Variants in FHIT observed in about 807,000 individuals in gnomAD.
FHIT encodes bis(5'-adenosyl)-triphosphatase.
A neutral mutation model predicts 17.9 loss-of-function variants in FHIT; 19 were observed. The ratio of observed to expected loss-of-function variants is 1.06; its 90% CI spans 0.74 to 1.56. FHIT has a LOEUF of 1.56. FHIT is among the 40% of genes most tolerant of loss of function. The probability of loss-of-function intolerance (pLI) is 0.00; values close to 1 mark genes in which losing one functional copy is unlikely to be tolerated. For synonymous variants in FHIT, 81 were observed against 69.7 expected, an observed-to-expected ratio of 1.16 and a Z score of -0.81; for missense variants, 248 against 189.2, an observed-to-expected ratio of 1.31 and a Z score of -1.82.
intron 8 of FHIT, among the ~76,000 whole-genome samples, chr3:59,765,019 A>G (rs553456039): frequency 1.6e-4 from 24 of 152,298 alleles, no homozygotes; most frequent in Admixed American, 1.2e-3. Flanking sequence ...TCAGCTGCCT[A>G]CTATGTACCT....
At chr3:61,203,568 G>A (rs1257490700) in intron 1 of FHIT, among the ~76,000 whole-genome samples, 1 of 152,146 alleles carries the variant, frequency 6.6e-6, no homozygotes, top group Non-Finnish European at 1.5e-5. Flanking sequence ...AGTAAACAGA[G>A]AAATTAGTAA....
intron 7 of FHIT, among the ~76,000 whole-genome samples, chr3:59,928,882 C>A (rs1402553979): frequency 6.6e-6 from 1 of 150,612 alleles, no homozygotes; most frequent in Non-Finnish European, 1.5e-5. Context: ...GTAATCCCAG[C>A]TACTCAGGAG....
At chr3:60,147,297 TGA>T (rs1246954171) in intron 5 of FHIT, among the ~76,000 whole-genome samples, 1 of 152,146 alleles carries the variant, frequency 6.6e-6, no homozygotes, top group Non-Finnish European at 1.5e-5. Flanking sequence ...AAACCGAGTA[TGA>T]GATAGAGTTC....
chr3:61,134,256 A>G (rs889013731), intron 2 of FHIT, among the ~76,000 whole-genome samples: 2 of 152,164 alleles, frequency 1.3e-5, no homozygotes, highest in African/African-American at 2.4e-5. Context: ...GGCAGTGTCT[A>G]TTTCTAAAGC....
intron 3 of FHIT, among the ~76,000 whole-genome samples, chr3:60,969,613 C>A (rs1487864705): frequency 6.6e-6 from 1 of 151,954 alleles, no homozygotes; most frequent in Non-Finnish European, 1.5e-5. Context: ...AAAATATTAC[C>A]TAATTTCCAA....
intron 7 of FHIT, among the ~76,000 whole-genome samples, chr3:59,972,957 C>T (rs985524875): frequency 6.6e-6 from 1 of 152,058 alleles, no homozygotes; most frequent in East Asian, 1.9e-4. Context: ...TCTTCCTCAA[C>T]CCCATTCTCA....
rs568634273 is a variant in FHIT at position 60,016,309 on chromosome 3, A to C, written c.104-2157T>G. 2.0e-5 allele frequency among the ~76,000 whole-genome samples: 3 copies of C among 152,320 alleles called. No individual in the cohort carries two copies. The South Asian group carries it at 6.2e-4, about 32-fold the overall frequency. On this transcript the variant is annotated intron_variant, in intron 5 of 9. Transcript: ENST00000492590. ...GTTTTTTTAGCAATAATATTTTTTA[A>C]AGGAAGCGAAGGTCAATAGTTATAA...
intron 5 of FHIT, among the ~76,000 whole-genome samples, chr3:60,198,105 C>CT (rs960748758): frequency 1.3e-4 from 19 of 143,366 alleles, no homozygotes; most frequent in African/African-American, 3.9e-4. Context: ...GTTTGGATGA[C>CT]TTTTTTTTCT....
Position 60,320,392 on chromosome 3 carries a change from C to G in FHIT, c.103+216468G>C, listed in dbSNP as rs185205464. On this transcript the variant is annotated intron_variant, in intron 5 of 9. Coordinates refer to ENST00000492590, the MANE Select transcript of FHIT (RefSeq NM_002012.4). ...TCAGGCTTAAGTGCCAGAAGTAAAC[C>G]AAAAAGAAGCAATAGCAAGTGACAA... Among the ~76,000 whole-genome samples, 153 of 151,690 alleles carry G rather than the reference C, an allele frequency of 1.0e-3. 1 individual carries two copies. The highest frequency in any genetic ancestry group is 3.6e-3 in the African/African-American group (147 of 41,324).
At chr3:60,067,023 G>A (rs959817538) in intron 5 of FHIT, among the ~76,000 whole-genome samples, 4 of 151,952 alleles carry the variant, frequency 2.6e-5, no homozygotes, top group Non-Finnish European at 4.4e-5. Context: ...CACAGAGGTA[G>A]GCAAATCAAA....
chr3:60,478,505 G>A (rs955714475), intron 5 of FHIT, among the ~76,000 whole-genome samples: 1 of 152,112 alleles, frequency 6.6e-6, no homozygotes, highest in African/African-American at 2.4e-5. Flanking sequence ...CAAAGAAAGT[G>A]CACTTTACAT....
intron 4 of FHIT, among the ~76,000 whole-genome samples, chr3:60,737,316 T>G (rs1348816774): frequency 6.6e-6 from 1 of 152,236 alleles, no homozygotes; most frequent in Non-Finnish European, 1.5e-5. Flanking sequence ...GTATTCTTCT[T>G]TGCATAAACT....
chr3:60,952,460 G>A (rs1396355821), intron 3 of FHIT, among the ~76,000 whole-genome samples: 2 of 152,166 alleles, frequency 1.3e-5, no homozygotes, highest in Non-Finnish European at 2.9e-5. Context: ...TTAGGGCTTT[G>A]GATCATATGC....
intron 5 of FHIT, among the ~76,000 whole-genome samples, chr3:60,367,396 T>G (rs770571635): frequency 6.6e-6 from 1 of 152,220 alleles, no homozygotes; most frequent in South Asian, 2.1e-4. Context: ...GTGAATTTTC[T>G]AGAGAATGCA....
intron 5 of FHIT, among the ~76,000 whole-genome samples, chr3:60,073,845 A>G (rs544458645): frequency 1.3e-5 from 2 of 152,246 alleles, no homozygotes; most frequent in African/African-American, 4.8e-5. Flanking sequence ...ATTTTACAAT[A>G]TAAACACTGC....
At position 60,893,795 on chromosome 3, in the gene FHIT, T is replaced by C. The variant is rs1272002139; in HGVS notation, c.-110-71784A>G. 3.3e-5 allele frequency among the ~76,000 whole-genome samples: 5 copies of C among 152,216 alleles called. No homozygotes were observed. In the East Asian group the frequency reaches 7.7e-4, roughly 23 times the overall value. ...TGGGAAACCACCTGGGCAGGTACCT[T>C]CCAACCAAATTAAAGTCAAGGATTC... On this transcript the variant is annotated intron_variant, in intron 3 of 9. Coordinates refer to ENST00000492590, the MANE Select transcript of FHIT (RefSeq NM_002012.4).
chr3:60,440,101 C>T (rs1011801447), intron 5 of FHIT, among the ~76,000 whole-genome samples: 3 of 152,108 alleles, frequency 2.0e-5, no homozygotes, highest in South Asian at 2.1e-4. Flanking sequence ...CAGAGGTAGG[C>T]GCATTGTCCA....
chr3:60,539,601 C>G (rs191643355), intron 4 of FHIT, among the ~76,000 whole-genome samples: 1 of 152,284 alleles, frequency 6.6e-6, no homozygotes, highest in Admixed American at 6.5e-5. Context: ...ACGTGGAATA[C>G]TATGCAGCCA....
Position 60,156,668 on chromosome 3 carries a change from C to T in FHIT, c.104-142516G>A, listed in dbSNP as rs1379240642. On this transcript the variant is annotated intron_variant, in intron 5 of 9. Coordinates refer to ENST00000492590, the MANE Select transcript of FHIT (RefSeq NM_002012.4). ...TCAGGAGGCTGAGGTGAGAGGATTA[C>T]TTGAGCCTAAGAAGTTGAGGCTGCA... Among the ~76,000 whole-genome samples, 6 of 152,250 alleles carry T rather than the reference C, an allele frequency of 3.9e-5. No homozygotes were observed. In the East Asian group the frequency reaches 1.2e-3, roughly 29 times the overall value.
Sources: gnomAD v4.1 joint callset for allele counts (sites outside exome capture counted in the v4.1 genomes callset) on GRCh38, gnomAD v4.1.1 for gene constraint, MANE v1.5 for transcripts, NCBI Gene and HGNC (gene_info 2026-07-23, HGNC 2026-07-21) for gene names.